Variants in NR2F1-AS1 observed in about 807,000 individuals in gnomAD.
NR2F1-AS1 encodes NR2F1 antisense RNA 1.
chr5:93,516,059 C>T (rs1169950801), intron 4 of NR2F1-AS1, among the ~76,000 whole-genome samples: 2 of 151,788 alleles, frequency 1.3e-5, no homozygotes, highest in Admixed American at 6.6e-5. Context: ...CAAATAACTG[C>T]GCAAAAAATG....
chr5:93,570,314 C>CCA (rs777066381), intron 1 of NR2F1-AS1: 1 of 152,366 alleles, frequency 6.6e-6, no homozygotes, highest in Non-Finnish European at 1.5e-5. Flanking sequence ...TACCAGCAGC[C>CCA]CACCACCTGA....
chr5:93,455,452 A>T (rs1328448740), intron 4 of NR2F1-AS1, among the ~76,000 whole-genome samples: 1 of 152,210 alleles, frequency 6.6e-6, no homozygotes. Context: ...GATGGGACAA[A>T]TAGGAAAAAA....
At chr5:93,536,759 AC>A (rs1186116349) in intron 4 of NR2F1-AS1, among the ~76,000 whole-genome samples, 1 of 152,140 alleles carries the variant, frequency 6.6e-6, no homozygotes, top group Non-Finnish European at 1.5e-5. Flanking sequence ...ATAGATATCT[AC>A]CTCTCATTGA....
intron 4 of NR2F1-AS1, among the ~76,000 whole-genome samples, chr5:93,450,673 G>A (rs1298004489): frequency 2.6e-5 from 4 of 151,834 alleles, no homozygotes; most frequent in Admixed American, 2.6e-4. Context: ...GTTAGGGGTG[G>A]TAGTCAAATA....
chr5:93,573,648 C>T (rs895060628), intron 1 of NR2F1-AS1, among the ~76,000 whole-genome samples: 2 of 152,150 alleles, frequency 1.3e-5, no homozygotes, highest in East Asian at 1.9e-4. Flanking sequence ...TAATCTTTTG[C>T]GAAAATGAAA....
At chr5:93,493,948 C>T (rs1001026396) in intron 4 of NR2F1-AS1, among the ~76,000 whole-genome samples, 3 of 152,010 alleles carry the variant, frequency 2.0e-5, no homozygotes, top group Middle Eastern at 3.2e-3. Flanking sequence ...TAATGGATTC[C>T]TAAACTTTCA....
chr5:93,426,107 G>T (rs1369031930), intron 4 of NR2F1-AS1, among the ~76,000 whole-genome samples: 1 of 151,568 alleles, frequency 6.6e-6, no homozygotes, highest in Non-Finnish European at 1.5e-5. Flanking sequence ...GAGTGCAGTG[G>T]TGCCATCTTG....
At chr5:93,534,998 T>C (rs1393664073) in intron 4 of NR2F1-AS1, among the ~76,000 whole-genome samples, 1 of 152,174 alleles carries the variant, frequency 6.6e-6, no homozygotes, top group African/African-American at 2.4e-5. Context: ...TCTATAGGAA[T>C]TAGATGGTAT....
chr5:93,538,894 ATCACT>A (rs1751893687), intron 4 of NR2F1-AS1, among the ~76,000 whole-genome samples: 1 of 152,220 alleles, frequency 6.6e-6, no homozygotes, highest in African/African-American at 2.4e-5. Context: ...TTCGTTATAC[ATCACT>A]TCACTTAAAG....
At chr5:93,504,801 A>C (rs1489542254) in intron 4 of NR2F1-AS1, among the ~76,000 whole-genome samples, 1 of 152,106 alleles carries the variant, frequency 6.6e-6, no homozygotes, top group Non-Finnish European at 1.5e-5. Context: ...TCCCTCCCAC[A>C]ATACATGGGA....
chr5:93,447,261 C>G (rs1227635769), intron 4 of NR2F1-AS1, among the ~76,000 whole-genome samples: 1 of 152,146 alleles, frequency 6.6e-6, no homozygotes, highest in Admixed American at 6.5e-5. Context: ...TCAGAGTGAA[C>G]AGGCAACCTA....
intron 4 of NR2F1-AS1, among the ~76,000 whole-genome samples, chr5:93,482,618 T>C (rs572321262): frequency 5.9e-5 from 9 of 151,936 alleles, no homozygotes; most frequent in Non-Finnish European, 1.0e-4. Context: ...CACTCCCTTG[T>C]AAAGGCGGCT....
chr5:93,506,548 G>A (rs1282697285), intron 4 of NR2F1-AS1, among the ~76,000 whole-genome samples: 2 of 152,188 alleles, frequency 1.3e-5, no homozygotes, highest in Admixed American at 1.3e-4. Flanking sequence ...GACTGGGGAG[G>A]CCTCAGAATC....
At chr5:93,447,739 A>G (rs1749746064) in intron 4 of NR2F1-AS1, among the ~76,000 whole-genome samples, 2 of 152,206 alleles carry the variant, frequency 1.3e-5, no homozygotes, top group Admixed American at 6.5e-5. Context: ...ATGCTGCTAT[A>G]AAGACACATG....
intron 4 of NR2F1-AS1, among the ~76,000 whole-genome samples, chr5:93,440,712 C>T (rs1394469221): frequency 6.6e-6 from 1 of 152,198 alleles, no homozygotes; most frequent in East Asian, 1.9e-4. Context: ...TTTTCTGAAG[C>T]ACTTTAATAC....
chr5:93,515,175 AG>A lies in NR2F1-AS1; in HGVS notation n.638+38585del, dbSNP rs564886302. ...TATTCCACTGATTTTAAGTGTATGA[AG>A]TGAAACTGTGGGTTTTGTTCTCTAA... On this transcript the variant is annotated intron_variant and non_coding_transcript_variant, in intron 4 of 5. Coordinates refer to ENST00000660523, the Ensembl canonical transcript of NR2F1-AS1. 7.2e-5 allele frequency among the ~76,000 whole-genome samples: 11 copies of A among 152,084 alleles called. No individual in the cohort carries two copies. The South Asian group carries it at 2.3e-3, about 31-fold the overall frequency.
At chr5:93,410,078 A>C (rs1346628502) in intron 4 of NR2F1-AS1, 1 of 152,220 alleles carries the variant, frequency 6.6e-6, no homozygotes, top group Non-Finnish European at 1.5e-5. Context: ...CAGTTATATC[A>C]GTGTCTTTAC....
intron 4 of NR2F1-AS1, among the ~76,000 whole-genome samples, chr5:93,466,474 C>T (rs75531888): frequency 0.02 from 2,971 of 151,572 alleles, 108 homozygotes; most frequent in African/African-American, 0.069. Flanking sequence ...GTCGCTGGGA[C>T]TAAAGGCGCC....
At chr5:93,467,540 T>C (rs1002452755) in intron 4 of NR2F1-AS1, among the ~76,000 whole-genome samples, 6 of 152,346 alleles carry the variant, frequency 3.9e-5, no homozygotes, top group Non-Finnish European at 4.4e-5. Flanking sequence ...AAGTCCCAAC[T>C]ACTGCCATCA....
Sources: gnomAD v4.1 joint callset for allele counts (sites outside exome capture counted in the v4.1 genomes callset) on GRCh38, gnomAD v4.1.1 for gene constraint, MANE v1.5 for transcripts, NCBI Gene and HGNC (gene_info 2026-07-23, HGNC 2026-07-21) for gene names.